CDH17: variants seen among roughly 807,000 people sequenced by gnomAD.
The protein encoded by CDH17 is cadherin-17.
CDH17 carries 67 observed loss-of-function variants against 86.3 expected under a neutral mutation model. The ratio of observed to expected loss-of-function variants is 0.78; its 90% CI spans 0.64 to 0.95. The LOEUF (loss-of-function observed/expected upper bound fraction) is 0.95. CDH17 is among the 40% of genes least tolerant of loss of function. CDH17 has a pLI of 0.00. For missense variants in CDH17, 993 were observed against 1,017.6 expected, an observed-to-expected ratio of 0.98 and a Z score of 0.33; for synonymous variants, 367 against 366.4, an observed-to-expected ratio of 1.00 and a Z score of -0.02.
chr8:94,208,408 G>A (rs574275843), intron 1 of CDH17, 75 bp downstream of exon 1: 14 of 152,240 alleles, frequency 9.2e-5, no homozygotes, highest in African/African-American at 3.4e-4. Flanking sequence ...CTTTTTAAGT[G>A]CCCTCCCCCT....
chr8:94,173,892 C>T lies in CDH17; in HGVS notation c.688G>A (p.Val230Met). ...SENSFSDTTS[V>M]DIIVTENIWK... ...ATATTCTCTGTCACTATGATATCCACAGATGTGGTATCACTGAAGGAATTC... is the reference window on the plus strand; with the variant it reads ...ATATTCTCTGTCACTATGATATCCATAGATGTGGTATCACTGAAGGAATTC... Residue 230 changes from valine to methionine, a missense_variant, in exon 7 of 18, where the codon GTG becomes ATG. Val to Met is a conservative substitution (Grantham distance 21). Coordinates refer to ENST00000027335, the MANE Select transcript of CDH17 (RefSeq NM_004063.4). 2 of 1,612,854 alleles carry T rather than the reference C, an allele frequency of 1.2e-6. No individual in the cohort carries two copies. Among genetic ancestry groups the T allele is most frequent in the African/African-American group, 2.7e-5 (2 of 75,008 alleles).
chr8:94,127,187 A>G lies in CDH17; in HGVS notation c.*1053T>C, dbSNP rs1812318905. Reference sequence around the variant, plus strand: ...TCAACAAACAAAACTGACTACAACCAGTGTTTATTCTTGATTTGTCACCAC... The same window carrying G: ...TCAACAAACAAAACTGACTACAACCGGTGTTTATTCTTGATTTGTCACCAC... On this transcript the variant is annotated 3_prime_UTR_variant, in exon 18 of 18. Coordinates refer to ENST00000027335, the MANE Select transcript of CDH17 (RefSeq NM_004063.4). 6.6e-6 allele frequency: 1 copy of G among 152,168 alleles called. No homozygotes were observed. The highest frequency in any genetic ancestry group is 1.5e-5 in the Non-Finnish European group (1 of 68,022). The allele number at this position is 152,168 out of a possible 1,614,324, so 9.4% of individuals were successfully genotyped here.
chr8:94,134,459 TTC>T (rs1812482067), intron 15 of CDH17, among the ~76,000 whole-genome samples: 1 of 152,228 alleles, frequency 6.6e-6, no homozygotes, highest in Non-Finnish European at 1.5e-5. Flanking sequence ...GTTTATAGTA[TTC>T]TCTGATTGTA....
intron 3 of CDH17, among the ~76,000 whole-genome samples, chr8:94,185,614 A>G (rs1335178495): frequency 6.6e-6 from 1 of 152,170 alleles, no homozygotes; most frequent in Non-Finnish European, 1.5e-5. Context: ...CACCTACTCT[A>G]TTTTGACCTT....
At chr8:94,162,306 G>T (rs1813069246) in intron 10 of CDH17, 144 bp from the exon 11 acceptor site, 2 of 632,786 alleles carry the variant, frequency 3.2e-6, no homozygotes, top group Admixed American at 4.9e-5. Flanking sequence ...CAGAGAGTGG[G>T]CTCTCTGTTT....
chr8:94,171,974 TCCCCCCTCCCCCCTCC>T (rs200330757), intron 7 of CDH17, among the ~76,000 whole-genome samples: 56,268 of 98,660 alleles, frequency 0.57, 13,459 homozygotes, highest in African/African-American at 0.68. Context: ...CATCTCCCCC[TCCCCCCTCCCCCCTCC>T]CCCTCCTCCC....
intron 3 of CDH17, among the ~76,000 whole-genome samples, chr8:94,186,225 A>T (rs1813577580): frequency 1.3e-5 from 2 of 152,024 alleles, no homozygotes; most frequent in Non-Finnish European, 2.9e-5. Flanking sequence ...AAACTCATTC[A>T]CTTTTCTCTA....
chr8:94,143,368 TTTG>T lies in CDH17; in HGVS notation c.2167+2557_2167+2559del, dbSNP rs1563567185. 7.9e-5 allele frequency among the ~76,000 whole-genome samples: 12 copies of T among 152,332 alleles called. No individual in the cohort carries two copies. The South Asian group carries it at 2.5e-3, about 32-fold the overall frequency. Reference sequence around the variant, plus strand: ...TAAACAGATGTGCTGTCATCTGGGCTTTGTTGTTCCATTGACAGAGCACAGACA... The same window carrying T: ...TAAACAGATGTGCTGTCATCTGGGCTTTGTTCCATTGACAGAGCACAGACA... On this transcript the variant is annotated intron_variant, in intron 15 of 17. Transcript: ENST00000027335.
In CDH17 at chr8:94,165,952, G is replaced by A. The variant is rs368828110; in HGVS notation, c.1091C>T (p.Ala364Val). ...RLGNSIGTLTAHDRDEENTAN... is the reference protein window; with the variant it reads ...RLGNSIGTLTVHDRDEENTAN... Reference sequence around the variant, plus strand: ...AGTATTTTCTTCATCCCTGTCATGTGCAGTAAGGGTCCCGATACTGTTACC... The same window carrying A: ...AGTATTTTCTTCATCCCTGTCATGTACAGTAAGGGTCCCGATACTGTTACC... The change falls in exon 10 of 18, where the codon GCA becomes GTA. Residue 364 changes from alanine to valine, a missense_variant. Ala to Val is a moderately conservative substitution (Grantham distance 64). Transcript: ENST00000027335. 3 of 1,612,966 alleles carry A rather than the reference G, an allele frequency of 1.9e-6. No homozygotes were observed. The highest frequency in any genetic ancestry group is 2.5e-6 in the Non-Finnish European group (3 of 1,179,158).
intron 2 of CDH17, among the ~76,000 whole-genome samples, chr8:94,190,052 G>C (rs1813657576): frequency 6.6e-6 from 1 of 152,206 alleles, no homozygotes; most frequent in Non-Finnish European, 1.5e-5. Context: ...GGCTGGGATG[G>C]TAAGAAGAGT....
At chr8:94,138,712 A>C (rs1222889991) in intron 15 of CDH17, among the ~76,000 whole-genome samples, 2 of 152,220 alleles carry the variant, frequency 1.3e-5, no homozygotes, top group Non-Finnish European at 2.9e-5. Context: ...AAGAGCCAGG[A>C]ATCATTCCTG....
At chr8:94,162,307 C>T (rs56347019) in intron 10 of CDH17, 145 bp from the exon 11 acceptor site, 185,806 of 622,390 alleles carry the variant, frequency 0.3, 28,883 homozygotes, top group Middle Eastern at 0.33. Flanking sequence ...AGAGAGTGGG[C>T]TCTCTGTTTC....
At chr8:94,192,755 C>T (rs1457832752) in intron 2 of CDH17, among the ~76,000 whole-genome samples, 3 of 152,180 alleles carry the variant, frequency 2.0e-5, no homozygotes, top group Non-Finnish European at 4.4e-5. Context: ...TGGTTTCCTC[C>T]GATTCCCTGT....
intron 2 of CDH17, among the ~76,000 whole-genome samples, chr8:94,190,548 C>T (rs755057108): frequency 6.6e-5 from 10 of 152,270 alleles, no homozygotes; most frequent in Non-Finnish European, 1.0e-4. Context: ...TTCCTGGGCA[C>T]GACTTTGGGT....
rs1813374868 is a variant in CDH17, at chr8:94,176,416, A to C, written c.424+125T>G. 3.0e-6 allele frequency: 3 copies of C among 996,440 alleles called. No individual in the cohort carries two copies. In the South Asian group the frequency reaches 4.6e-5, roughly 15 times the overall value. 61.7% of individuals were successfully genotyped at this position (996,440 alleles called of 1,614,324 possible). A position where few individuals can be genotyped will look rare whatever the true frequency, so the allele number is the denominator to read the frequency against. On this transcript the variant is annotated intron_variant, in intron 5 of 17. Coordinates refer to ENST00000027335, the MANE Select transcript of CDH17 (RefSeq NM_004063.4). ...GAGATAGTGAAACAACTCCCAAATCAGTGTGAAATGTAGGTAAGATAGTGC... is the reference window on the plus strand; with the variant it reads ...GAGATAGTGAAACAACTCCCAAATCCGTGTGAAATGTAGGTAAGATAGTGC...
chr8:94,216,850 T>C (rs1215850938), intron 1 of CDH17, among the ~76,000 whole-genome samples: 4 of 152,200 alleles, frequency 2.6e-5, no homozygotes, highest in Non-Finnish European at 5.9e-5. Flanking sequence ...GCTGGCCGCA[T>C]AGAGCCACTG....
intron 15 of CDH17, among the ~76,000 whole-genome samples, chr8:94,138,575 A>T (rs1812577232): frequency 6.6e-6 from 1 of 152,180 alleles, no homozygotes; most frequent in Non-Finnish European, 1.5e-5. Flanking sequence ...GAGAATGCAC[A>T]CTAAAGAGAT....
chr8:94,129,157 G>A (rs945767285), intron 17 of CDH17, among the ~76,000 whole-genome samples: 1 of 151,830 alleles, frequency 6.6e-6, no homozygotes, highest in Non-Finnish European at 1.5e-5. Flanking sequence ...TTTAACTTGT[G>A]GTAAGATTAT....
At chr8:94,157,995 C>T (rs1812978458) in intron 12 of CDH17, among the ~76,000 whole-genome samples, 1 of 152,106 alleles carries the variant, frequency 6.6e-6, no homozygotes, top group African/African-American at 2.4e-5. Context: ...TGCAGAGTTC[C>T]AGGGCTCAGT....
Sources: allele counts gnomAD v4.1 joint callset (sites outside exome capture counted in the v4.1 genomes callset), GRCh38; gene constraint gnomAD v4.1.1; transcripts MANE v1.5; gene names NCBI Gene and HGNC (gene_info 2026-07-23, HGNC 2026-07-21).